THSD7A: variants seen among roughly 807,000 people sequenced by gnomAD.
The protein encoded by THSD7A is thrombospondin type 1 domain containing 7A, also known as thrombospondin type-1 domain-containing protein 7A.
In THSD7A, 96 loss-of-function variants were observed where a neutral mutation model predicts 231.3. The ratio of observed to expected loss-of-function variants is 0.41; its 90% confidence interval spans 0.35 to 0.49. THSD7A has a LOEUF of 0.49. Among genes scored for constraint, THSD7A ranks in the 20% least tolerant of loss-of-function variants. THSD7A has a pLI of 0.05. For missense variants in THSD7A, 2,290 were observed against 2,070.2 expected (o/e 1.11, Z -2.06); for synonymous variants, 940 against 743.3 (o/e 1.26, Z -4.30).
intron 7 of THSD7A, among the ~76,000 whole-genome samples, chr7:11,480,506 ATTGT>A (rs1168059226): frequency 6.6e-6 from 1 of 152,220 alleles, no homozygotes; most frequent in Non-Finnish European, 1.5e-5. Flanking sequence ...GGTTAGAGTC[ATTGT>A]TTGACAACAC....
intron 1 of THSD7A, among the ~76,000 whole-genome samples, chr7:11,788,048 G>C (rs1206951877): frequency 6.6e-6 from 1 of 151,990 alleles, no homozygotes; most frequent in South Asian, 2.1e-4. Flanking sequence ...TGGCTACAAG[G>C]TTGGTCTTTT....
intron 23 of THSD7A, among the ~76,000 whole-genome samples, chr7:11,389,695 T>C (rs1273415660): frequency 6.6e-6 from 1 of 152,056 alleles, no homozygotes; most frequent in East Asian, 1.9e-4. Context: ...GCCTGTTAGT[T>C]GATGCAGTTT....
At chr7:11,509,821 C>CAAA (rs751048602) in intron 6 of THSD7A, among the ~76,000 whole-genome samples, 12,196 of 39,880 alleles carry the variant, frequency 0.31, 2,983 homozygotes, top group African/African-American at 0.37. Flanking sequence ...GAGTCCGTCT[C>CAAA]AAAAAAAAAA....
At chr7:11,493,898 C>T (rs146268660) in intron 6 of THSD7A, among the ~76,000 whole-genome samples, 121 of 151,880 alleles carry the variant, frequency 8.0e-4, no homozygotes, top group African/African-American at 2.5e-3. Flanking sequence ...GGTATTTTGA[C>T]GAGTGTTAGG....
At position 11,371,570 on chromosome 7, in the gene THSD7A, A is replaced by G. The variant is rs891975804; in HGVS notation, c.*4224T>C. 5 of 152,172 alleles carry G rather than the reference A, an allele frequency of 3.3e-5. No individual in the cohort carries two copies. Among genetic ancestry groups the G allele is most frequent in the Admixed American group, 6.6e-5 (1 of 15,262 alleles). The allele number at this position is 152,172 out of a possible 1,614,324, so 9.4% of individuals were successfully genotyped here. ...TTGGGAATTGTGCTTCTCATGTACT[A>G]TTGAGACCCACGTCAGCTTTAGAAC... On this transcript the variant is annotated 3_prime_UTR_variant, in exon 28 of 28. Transcript: ENST00000423059.
chr7:11,413,433 T>A (rs1382215862), intron 17 of THSD7A, among the ~76,000 whole-genome samples: 1 of 151,654 alleles, frequency 6.6e-6, no homozygotes. Context: ...AACAAGCCCT[T>A]TGGAAAAACT....
At position 11,756,595 on chromosome 7, in the gene THSD7A, GA is replaced by G. The variant is rs369992953; in HGVS notation, c.190+75161del. On this transcript the variant is annotated intron_variant, in intron 1 of 27. Coordinates refer to ENST00000423059, the MANE Select transcript of THSD7A (RefSeq NM_015204.3). ...GGACAGAAAGCAAATCACAGGACAA[GA>G]AAAAAAAAATGTTCATTTAGTAAAC... Among the ~76,000 whole-genome samples, 666 of 148,054 alleles carry G rather than the reference GA, an allele frequency of 4.5e-3. 5 individuals are homozygous for G. Among genetic ancestry groups the G allele is most frequent in the South Asian group, 8.7e-3 (41 of 4,694 alleles).
chr7:11,382,712 A>C, intron 23 of THSD7A, 96 bp from the exon 24 acceptor site: 1 of 954,448 alleles, frequency 1.0e-6, no homozygotes, highest in Non-Finnish European at 1.6e-6. Flanking sequence ...GAAAAGTAAT[A>C]AGCTCATCTC....
At chr7:11,796,669 G>T (rs1424284026) in intron 1 of THSD7A, among the ~76,000 whole-genome samples, 1 of 151,672 alleles carries the variant, frequency 6.6e-6, no homozygotes, top group Non-Finnish European at 1.5e-5. Context: ...TAGATAATGG[G>T]AAAAGTAATT....
At chr7:11,751,311 G>A (rs1487460174) in intron 1 of THSD7A, 1 of 152,038 alleles carries the variant, frequency 6.6e-6, no homozygotes. Flanking sequence ...GGAAAAGAGG[G>A]CAATGGCTTT....
intron 17 of THSD7A, among the ~76,000 whole-genome samples, chr7:11,415,593 G>T (rs181850931): frequency 1.3e-5 from 2 of 151,572 alleles, no homozygotes; most frequent in East Asian, 1.9e-4. Context: ...TTTTCTCTTC[G>T]AACATTCACC....
intron 1 of THSD7A, among the ~76,000 whole-genome samples, chr7:11,799,947 T>C (rs1444743696): frequency 6.6e-6 from 1 of 152,226 alleles, no homozygotes; most frequent in Non-Finnish European, 1.5e-5. Context: ...TTTGCTACTG[T>C]AGCGCACACA....
chr7:11,719,399 C>T (rs1229515961), intron 1 of THSD7A, among the ~76,000 whole-genome samples: 1 of 151,712 alleles, frequency 6.6e-6, no homozygotes, highest in Non-Finnish European at 1.5e-5. Context: ...CTTTTCTACT[C>T]ACTTTCATAA....
rs957282843 is a variant in THSD7A, at chr7:11,375,664, G to C, written c.*130C>G. 2 of 713,490 alleles carry C rather than the reference G, an allele frequency of 2.8e-6. No homozygotes were observed. Among genetic ancestry groups the C allele is most frequent in the Non-Finnish European group, 4.7e-6 (2 of 429,908 alleles). The allele number at this position is 713,490 out of a possible 1,614,324, so 44.2% of individuals were successfully genotyped here. A position where few individuals can be genotyped will look rare whatever the true frequency, so the allele number is the denominator to read the frequency against. On this transcript the variant is annotated 3_prime_UTR_variant, in exon 28 of 28. Transcript: ENST00000423059. Reference sequence around the variant, plus strand: ...CAGTGGCAGTATGATTTTCACTCTTGTCTTTATGATGCCATTTTTAAAAAT... The same window carrying C: ...CAGTGGCAGTATGATTTTCACTCTTCTCTTTATGATGCCATTTTTAAAAAT...
At chr7:11,441,070 C>G (rs889281923) in intron 13 of THSD7A, among the ~76,000 whole-genome samples, 1 of 152,000 alleles carries the variant, frequency 6.6e-6, no homozygotes, top group Non-Finnish European at 1.5e-5. Flanking sequence ...AACTCTTTAT[C>G]TGGAAAAAAA....
chr7:11,582,567 C>T (rs1791213458), intron 4 of THSD7A, among the ~76,000 whole-genome samples: 1 of 152,018 alleles, frequency 6.6e-6, no homozygotes, highest in Non-Finnish European at 1.5e-5. Context: ...TGATTTCCTT[C>T]TTCTTAAATA....
chr7:11,521,909 A>G (rs1189008338), intron 6 of THSD7A, among the ~76,000 whole-genome samples: 1 of 152,014 alleles, frequency 6.6e-6, no homozygotes, highest in Non-Finnish European at 1.5e-5. Context: ...AGCATCTTAG[A>G]ATATGTTTTT....
intron 1 of THSD7A, among the ~76,000 whole-genome samples, chr7:11,784,230 A>T (rs781633233): frequency 6.6e-6 from 1 of 151,400 alleles, no homozygotes; most frequent in Non-Finnish European, 1.5e-5. Context: ...ATACACATAT[A>T]TATGTATGTG....
chr7:11,645,911 A>G (rs1782260337), intron 1 of THSD7A, among the ~76,000 whole-genome samples: 1 of 151,848 alleles, frequency 6.6e-6, no homozygotes. Context: ...ATGCAGTTAA[A>G]CACCCCCAAA....
Sources: allele counts gnomAD v4.1 joint callset (sites outside exome capture counted in the v4.1 genomes callset), GRCh38; gene constraint gnomAD v4.1.1; transcripts MANE v1.5; gene names NCBI Gene and HGNC (gene_info 2026-07-23, HGNC 2026-07-21).